The following FKBP14 variants were observed in gnomAD, a reference collection of about 807,000 sequenced individuals.
FKBP14 encodes the protein peptidyl-prolyl cis-trans isomerase FKBP14.
FKBP14 carries 20 observed loss-of-function variants against 21.6 expected under a neutral mutation model. The ratio of observed to expected loss-of-function variants is 0.92; its 90% CI spans 0.65 to 1.34. The LOEUF (loss-of-function observed/expected upper bound fraction) is 1.34. FKBP14 is among the 40% of genes most tolerant of loss of function. The pLI is 0.00. For synonymous variants in FKBP14, 79 were observed against 86.7 expected, an observed-to-expected ratio of 0.91 and a Z score of 0.49; for missense variants, 253 against 249.0, an observed-to-expected ratio of 1.02 and a Z score of -0.11.
chr7:30,014,336 G>C lies in FKBP14; in HGVS notation c.*399C>G, dbSNP rs1217917296. On this transcript the variant is annotated 3_prime_UTR_variant, in exon 4 of 4. Transcript: ENST00000222803. ...TAGCAAGCCTTGGGCTATTGCAAAA[G>C]GCTTTTCAAATGTTGACCTCTAACT... is the stretch of plus-strand genomic sequence containing the variant. 1 of 153,172 alleles carries C rather than the reference G, an allele frequency of 6.5e-6. No individual in the cohort carries two copies. The highest frequency in any genetic ancestry group is 6.5e-5 in the Admixed American group (1 of 15,320). 9.5% of individuals were successfully genotyped at this position (153,172 alleles called of 1,614,324 possible).
At chr7:30,024,587 G>A (rs1401823713) in intron 1 of FKBP14, among the ~76,000 whole-genome samples, 2 of 152,114 alleles carry the variant, frequency 1.3e-5, no homozygotes, top group Non-Finnish European at 2.9e-5. Flanking sequence ...TAGTAGAGAC[G>A]GGGTTTCACC....
intron 1 of FKBP14, among the ~76,000 whole-genome samples, chr7:30,024,084 C>G (rs1012232062): frequency 1.3e-5 from 2 of 152,170 alleles, no homozygotes; most frequent in African/African-American, 4.8e-5. Context: ...AGCTCCCTTT[C>G]AGTGCAATAA....
downstream of FKBP14, among the ~76,000 whole-genome samples, chr7:30,010,020 A>T (rs1435595408): frequency 6.6e-6 from 1 of 152,168 alleles, no homozygotes; most frequent in Non-Finnish European, 1.5e-5. Flanking sequence ...AAGAAAAAAA[A>T]TAGAAAAGAA....
At chr7:30,021,672 C>T (rs1449407671) in intron 2 of FKBP14, among the ~76,000 whole-genome samples, 1 of 152,000 alleles carries the variant, frequency 6.6e-6, no homozygotes, top group African/African-American at 2.4e-5. Context: ...TCTCCTGCCT[C>T]AGCCTCCTAA....
At chr7:30,022,943 T>G (rs1057242688) in intron 1 of FKBP14, 127 bp from the exon 2 acceptor site, 9 of 774,728 alleles carry the variant, frequency 1.2e-5, no homozygotes, top group Non-Finnish European at 1.8e-5. Context: ...AATTCTGTAT[T>G]TGCACACATA....
At position 30,015,626 on chromosome 7, in the gene FKBP14, C is replaced by CTT. The variant is rs1265376198; in HGVS notation, c.478-735_478-734dup. Among the ~76,000 whole-genome samples the CTT allele has an allele frequency of 7.0e-3, 927 of 131,634 alleles. 17 individuals are homozygous for CTT. The highest frequency in any genetic ancestry group is 0.022 in the African/African-American group (793 of 35,602). 86.4% of individuals were successfully genotyped at this position (131,634 alleles called of 152,430 possible). ...TTTCTTTTCTTTTTTTAGACAGAAT[C>CTT]TTTTTTTTTTTTTTTTTGAGACGGA... On this transcript the variant is annotated intron_variant, in intron 3 of 3. Coordinates refer to ENST00000222803, the MANE Select transcript of FKBP14 (RefSeq NM_017946.4).
In FKBP14 at chr7:30,019,105, C is replaced by A; in HGVS notation, c.368G>T (p.Ser123Ile). ...KEGKGKIPPE[S>I]TLIFNIDLLE... ...GAGATCAATATTAAATATCAGTGTA[C>A]TTTCTGGGGGAATTTTACCTGACGT... Residue 123 changes from serine (S) to isoleucine (I), a missense_variant, in exon 3 of 4, where the codon AGT (serine) becomes ATT (isoleucine). Ser to Ile is a moderately radical substitution (Grantham distance 142). Coordinates refer to ENST00000222803, the MANE Select transcript of FKBP14 (RefSeq NM_017946.4). The A allele has an allele frequency of 1.3e-6, 2 of 1,577,032 alleles. No homozygotes were observed. The highest frequency in any genetic ancestry group is 2.4e-5 in the East Asian group (1 of 42,260).
intron 1 of FKBP14, among the ~76,000 whole-genome samples, chr7:30,024,090 A>G (rs1467035700): frequency 6.6e-6 from 1 of 152,206 alleles, no homozygotes; most frequent in Non-Finnish European, 1.5e-5. Context: ...CTTTCAGTGC[A>G]ATAAGGAAAA....
downstream of FKBP14, among the ~76,000 whole-genome samples, chr7:30,008,691 A>AT (rs1491549971): frequency 8.1e-6 from 1 of 123,560 alleles, no homozygotes; most frequent in Non-Finnish European, 1.7e-5. Flanking sequence ...AAAAAAAAAA[A>AT]GCCGGCCAGG....
At chr7:30,025,850 A>G (rs1203871200) in intron 1 of FKBP14, among the ~76,000 whole-genome samples, 1 of 152,258 alleles carries the variant, frequency 6.6e-6, no homozygotes, top group African/African-American at 2.4e-5. Context: ...CGGCATTAGT[A>G]TATCCTTCAA....
At chr7:30,015,068 T>A (rs927272625) in intron 3 of FKBP14, among the ~76,000 whole-genome samples, 175 bp from the exon 4 acceptor site, 1 of 152,124 alleles carries the variant, frequency 6.6e-6, no homozygotes, top group Non-Finnish European at 1.5e-5. Context: ...ATAGAAACTT[T>A]TTCCCTTAAA....
At position 30,023,509 on chromosome 7, in the gene FKBP14, A is replaced by G. The variant is rs79672939; in HGVS notation, c.198-693T>C. On this transcript the variant is annotated intron_variant, in intron 1 of 3. Coordinates refer to ENST00000222803, the MANE Select transcript of FKBP14 (RefSeq NM_017946.4). ...ATCCCTAAATCCCCACTCAGACCCT[A>G]GCCCAGTTTCCTCCTCAGGGGTCTA... Among the ~76,000 whole-genome samples, 675 of 152,338 alleles carry G rather than the reference A, an allele frequency of 4.4e-3. 10 individuals carry two copies. In the East Asian group the frequency reaches 0.056, roughly 13 times the overall value.
Position 30,026,342 on chromosome 7 carries a change from A to C in FKBP14, c.167T>G (p.Leu56Ter), listed in dbSNP as rs775356128. The C allele has an allele frequency of 6.2e-7, 1 of 1,613,038 alleles. No homozygotes were observed. Among genetic ancestry groups the C allele is most frequent in the South Asian group, 1.1e-5 (1 of 91,030 alleles). Residue 56 changes from leucine (L) to a stop codon, truncating the protein, a stop_gained, in exon 1 of 4, where the codon TTA becomes TGA. Coordinates refer to ENST00000222803, the MANE Select transcript of FKBP14 (RefSeq NM_017946.4). LOFTEE classifies it high-confidence loss of function. ...DLMLVHYEGY[L>*]EKDGSLFHST... ...GTGAAATAAGGAGCCGTCCTTTTCT[A>C]AGTAGCCTTCATAGTGGACCAACAT...
At chr7:30,010,352 A>C (rs1469356869), downstream of FKBP14, among the ~76,000 whole-genome samples, 1 of 152,244 alleles carries the variant, frequency 6.6e-6, no homozygotes. Context: ...ATTAACTATC[A>C]TGCTAAAGGT....
At chr7:30,020,409 G>A in intron 2 of FKBP14, 1 of 460,648 alleles carries the variant, frequency 2.2e-6, no homozygotes, top group Non-Finnish European at 3.8e-6. Context: ...AAGTAAACTT[G>A]AGTTAAATAT....
chr7:30,006,526 T>C (rs1228402097), downstream of FKBP14, among the ~76,000 whole-genome samples: 2 of 151,954 alleles, frequency 1.3e-5, no homozygotes, highest in South Asian at 2.1e-4. Context: ...AGAAGAGTAA[T>C]TTTAGGGAAG....
Position 30,019,116 on chromosome 7 carries a change from A to G in FKBP14, c.357T>C (p.Ile119=). Residue 119 remains isoleucine (I), a synonymous_variant, in exon 3 of 4, where the codon ATT becomes ATC. Coordinates refer to ENST00000222803, the MANE Select transcript of FKBP14 (RefSeq NM_017946.4). ...TAAATATCAGTGTACTTTCTGGGGGAATTTTACCTGACGTGAGGAAAGAAG... is the reference window on the plus strand; with the variant it reads ...TAAATATCAGTGTACTTTCTGGGGGGATTTTACCTGACGTGAGGAAAGAAG... ...LGYGKEGKGK[I]PPESTLIFNI... 6.4e-7 allele frequency: 1 copy of G among 1,570,308 alleles called. No individual in the cohort carries two copies. The highest frequency in any genetic ancestry group is 8.6e-7 in the Non-Finnish European group (1 of 1,166,544).
rs997179994 is a variant in FKBP14, at chr7:30,013,549, A to G, written c.*1186T>C. The G allele has an allele frequency of 6.6e-6, 1 of 152,150 alleles. No homozygotes were observed. Among genetic ancestry groups the G allele is most frequent in the African/African-American group, 2.4e-5 (1 of 41,430 alleles). 9.4% of individuals were successfully genotyped at this position (152,150 alleles called of 1,614,324 possible). ...CAGGCATGAGCCACCACACCCAGCT[A>G]ACTTCAGTTTTTGATGAGACAGAAA... On this transcript the variant is annotated 3_prime_UTR_variant, in exon 4 of 4. Coordinates refer to ENST00000222803, the MANE Select transcript of FKBP14 (RefSeq NM_017946.4).
At chr7:30,010,184 T>C (rs1789689214), downstream of FKBP14, among the ~76,000 whole-genome samples, 1 of 152,094 alleles carries the variant, frequency 6.6e-6, no homozygotes, top group East Asian at 1.9e-4. Flanking sequence ...AATCAGAGGG[T>C]ATTTTATAGC....
Sources: gnomAD v4.1 joint callset for allele counts (sites outside exome capture counted in the v4.1 genomes callset) on GRCh38, gnomAD v4.1.1 for gene constraint, MANE v1.5 for transcripts, NCBI Gene and HGNC (gene_info 2026-07-23, HGNC 2026-07-21) for gene names.